Variants in NPIPB2 observed in about 807,000 individuals in gnomAD.
NPIPB2 encodes nuclear pore complex interacting protein family member B2.
NPIPB2 carries 27 observed loss-of-function variants against 30.8 expected under a neutral mutation model. The ratio of observed to expected loss-of-function variants is 0.88; its 90% CI spans 0.65 to 1.21. NPIPB2 has a LOEUF of 1.21. Ranked by LOEUF, NPIPB2 falls within the 50% of genes most tolerant of loss-of-function variation. The pLI is 0.00. For missense variants in NPIPB2, 440 were observed against 446.2 expected, an observed-to-expected ratio of 0.99 and a Z score of 0.13; for synonymous variants, 147 against 162.0, an observed-to-expected ratio of 0.91 and a Z score of 0.70.
chr16:11,954,944 C>T lies in NPIPB2; in HGVS notation c.-583-12830G>A, dbSNP rs543298377. 4.0e-5 allele frequency among the ~76,000 whole-genome samples: 6 copies of T among 151,774 alleles called. No homozygotes were observed. The East Asian group carries it at 9.7e-4, about 25-fold the overall frequency. On this transcript the variant is annotated intron_variant, in intron 1 of 5. Coordinates refer to the NPIPB2 transcript ENST00000538896. ...AATACTTTTTGCTATTTAAAAACAA[C>T]AAACTTTTATTGATTAAAAATAAAT...
chr16:11,941,621 A>C (rs1037874044), intron 1 of NPIPB2, among the ~76,000 whole-genome samples: 1 of 151,790 alleles, frequency 6.6e-6, no homozygotes, highest in Non-Finnish European at 1.5e-5. Context: ...AGGTTCTGCT[A>C]TCCACCAAAC....
intron 4 of NPIPB2, among the ~76,000 whole-genome samples, chr16:11,932,485 T>A (rs2054802944): frequency 6.6e-6 from 1 of 151,602 alleles, no homozygotes; most frequent in African/African-American, 2.4e-5. Flanking sequence ...CTACTAAAAA[T>A]GCAAAAATTG....
chr16:11,975,714 C>G (rs558793940), intron 1 of NPIPB2, among the ~76,000 whole-genome samples: 55 of 152,058 alleles, frequency 3.6e-4, no homozygotes, highest in African/African-American at 1.3e-3. Context: ...TTTCAGCCTC[C>G]CCAGTAGCTG....
At chr16:11,941,879 C>T in intron 1 of NPIPB2, 104 bp downstream of exon 1, 1 of 897,088 alleles carries the variant, frequency 1.1e-6, no homozygotes, top group Non-Finnish European at 1.8e-6. Context: ...GTCCCTGCTT[C>T]TGGGCGCTCC....
chr16:11,933,747 C>G (rs2054824878), intron 3 of NPIPB2, 35 bp from the exon 4 acceptor site: 1 of 1,596,342 alleles, frequency 6.3e-7, no homozygotes, highest in African/African-American at 1.3e-5. Flanking sequence ...AGGTGAGAAA[C>G]CTGAGGGCAA....
chr16:11,957,327 G>C (rs2055120315), intron 1 of NPIPB2, among the ~76,000 whole-genome samples: 1 of 152,016 alleles, frequency 6.6e-6, no homozygotes, highest in South Asian at 2.1e-4. Flanking sequence ...ACCACGCCCG[G>C]CTAAGTTTTA....
At chr16:11,944,381 G>T (rs113441129), upstream of NPIPB2, among the ~76,000 whole-genome samples, 2,759 of 151,692 alleles carry the variant, frequency 0.018, 79 homozygotes, top group African/African-American at 0.063. Context: ...TTGCCAGGCT[G>T]GTCTCAAACT....
chr16:11,942,446 A>G (rs956906272), upstream of NPIPB2, among the ~76,000 whole-genome samples: 101 of 149,314 alleles, frequency 6.8e-4, no homozygotes, highest in Non-Finnish European at 8.7e-4. Context: ...TCTTTGTGGC[A>G]CAAGGTTGCA....
chr16:11,943,814 T>C (rs1474463037), upstream of NPIPB2, among the ~76,000 whole-genome samples: 1 of 150,248 alleles, frequency 6.7e-6, no homozygotes, highest in Non-Finnish European at 1.5e-5. Flanking sequence ...CTGGCTAACA[T>C]GGTGAAACCC....
chr16:11,975,523 C>G (rs1452080953), intron 1 of NPIPB2, among the ~76,000 whole-genome samples: 2 of 151,974 alleles, frequency 1.3e-5, no homozygotes, highest in African/African-American at 4.8e-5. Flanking sequence ...TGCAATAACT[C>G]CTTAACCACC....
chr16:11,953,912 G>A (rs1158545443), intron 1 of NPIPB2, among the ~76,000 whole-genome samples: 1 of 151,704 alleles, frequency 6.6e-6, no homozygotes, highest in African/African-American at 2.4e-5. Flanking sequence ...CTGACCTCAA[G>A]TGATTTGCCC....
chr16:11,975,371 T>A (rs2055276116), intron 1 of NPIPB2, among the ~76,000 whole-genome samples: 2 of 149,770 alleles, frequency 1.3e-5, no homozygotes, highest in East Asian at 2.0e-4. Context: ...ATGGTCTCGA[T>A]CTCCTGACCT....
intron 1 of NPIPB2, among the ~76,000 whole-genome samples, chr16:11,973,583 T>C (rs1319201474): frequency 6.6e-6 from 1 of 152,194 alleles, no homozygotes; most frequent in East Asian, 1.9e-4. Flanking sequence ...ATTTTATTTT[T>C]TGAGACAGAG....
rs148992440 is a variant in NPIPB2 at position 11,971,557 on chromosome 16, C to A, written c.-584+5011G>T. On this transcript the variant is annotated intron_variant, in intron 1 of 5. Coordinates refer to the NPIPB2 transcript ENST00000538896. ...TTACCCAGGCTGGAGTGCAGTGGCG[C>A]AACCTTGGCTCACTGCAACCTCTGC... is the stretch of plus-strand genomic sequence containing the variant. 5.6e-3 allele frequency among the ~76,000 whole-genome samples: 849 copies of A among 152,020 alleles called. 13 individuals carry two copies. The highest frequency in any genetic ancestry group is 0.019 in the African/African-American group (805 of 41,460).
At chr16:11,945,364 T>G (rs764030194), upstream of NPIPB2, among the ~76,000 whole-genome samples, 2 of 150,816 alleles carry the variant, frequency 1.3e-5, no homozygotes, top group Non-Finnish European at 3.0e-5. Flanking sequence ...CTGGGCAACA[T>G]AGTGAGACCG....
Position 11,972,474 on chromosome 16 carries a change from G to C in NPIPB2, c.-584+4094C>G, listed in dbSNP as rs114729066. Among the ~76,000 whole-genome samples the C allele has an allele frequency of 5.8e-3, 877 of 151,510 alleles. 13 individuals are homozygous for C. The highest frequency in any genetic ancestry group is 0.02 in the African/African-American group (832 of 41,316). On this transcript the variant is annotated intron_variant, in intron 1 of 5. Transcript: ENST00000538896. ...CCTGTAATCCCAGCTACTTTGGAGT[G>C]TGAGGCACAAGAATCACCTGAACCT...
intron 1 of NPIPB2, among the ~76,000 whole-genome samples, chr16:11,951,775 C>T (rs555986505): frequency 1.2e-4 from 18 of 152,142 alleles, no homozygotes; most frequent in African/African-American, 3.9e-4. Flanking sequence ...CGCCTGTAAT[C>T]CCAGCACTTT....
Position 11,953,712 on chromosome 16 carries a change from ATT to A in NPIPB2, c.-583-11600_-583-11599del, listed in dbSNP as rs36103994. 6.0e-3 allele frequency among the ~76,000 whole-genome samples: 454 copies of A among 75,566 alleles called. 1 individual carries two copies. The highest frequency in any genetic ancestry group is 8.9e-3 in the South Asian group (18 of 2,024). 49.6% of individuals were successfully genotyped at this position (75,566 alleles called of 152,430 possible). Reference sequence around the variant, plus strand: ...TCAGATCATCCTTTTATTTACTTTAATTTTTTTTTTTTTTTTTTTTTGAGACG... The same window carrying A: ...TCAGATCATCCTTTTATTTACTTTAATTTTTTTTTTTTTTTTTTTGAGACG... On this transcript the variant is annotated intron_variant, in intron 1 of 5. Coordinates refer to the NPIPB2 transcript ENST00000538896.
At chr16:11,966,201 C>A (rs758071191) in intron 1 of NPIPB2, 13 of 1,612,460 alleles carry the variant, frequency 8.1e-6, no homozygotes, top group Non-Finnish European at 9.3e-6. Flanking sequence ...AAAGGTGTGA[C>A]CAATTCAGTG....
Sources: gnomAD v4.1 joint callset for allele counts (sites outside exome capture counted in the v4.1 genomes callset) on GRCh38, gnomAD v4.1.1 for gene constraint, MANE v1.5 for transcripts, NCBI Gene and HGNC (gene_info 2026-07-23, HGNC 2026-07-21) for gene names.